PCDHGA2: variants seen among roughly 807,000 people sequenced by gnomAD.
PCDHGA2 encodes the protein protocadherin gamma-A2.
PCDHGA2 carries 40 observed loss-of-function variants against 59.2 expected under a neutral mutation model. The observed-to-expected ratio is 0.68, with a 90% CI of 0.52 to 0.88. PCDHGA2 has a LOEUF of 0.88. Ranked by LOEUF, PCDHGA2 falls within the 40% of genes least tolerant of loss-of-function variation. The pLI is 0.00. For synonymous variants in PCDHGA2, 560 were observed against 526.0 expected (o/e 1.06, Z -0.89); for missense variants, 1,226 against 1,204.0 (o/e 1.02, Z -0.27).
At chr5:141,344,732 G>C in intron 1 of PCDHGA2, 1 of 1,613,952 alleles carries the variant, frequency 6.2e-7, no homozygotes, top group Non-Finnish European at 8.5e-7. Context: ...TGATAGTCCT[G>C]GATGCAAATG....
At chr5:141,345,851 C>A in intron 1 of PCDHGA2, 1 of 1,613,502 alleles carries the variant, frequency 6.2e-7, no homozygotes, top group African/African-American at 1.3e-5. Flanking sequence ...GGCTGTCCTA[C>A]CGCCTGCTCA....
At chr5:141,344,739 A>G in intron 1 of PCDHGA2, 3 of 1,613,966 alleles carry the variant, frequency 1.9e-6, no homozygotes, top group Non-Finnish European at 2.5e-6. Context: ...CCTGGATGCA[A>G]ATGACAACCC....
At chr5:141,384,893 C>G in intron 1 of PCDHGA2, 2 of 1,613,890 alleles carry the variant, frequency 1.2e-6, no homozygotes, top group Non-Finnish European at 1.7e-6. Context: ...GTGGCTGTGG[C>G]TGACAGCATC....
Position 141,511,212 on chromosome 5 carries a change from C to T in PCDHGA2, c.*39C>T. ...CCAAGAGCCACAGGGCGGCCTCTCC[C>T]CAACCAGCCCAGCTTCTCCTTACCT... is the stretch of plus-strand genomic sequence containing the variant. On this transcript the variant is annotated 3_prime_UTR_variant, in exon 4 of 4. Coordinates refer to ENST00000394576, the MANE Select transcript of PCDHGA2 (RefSeq NM_018915.4). 6.2e-7 allele frequency: 1 copy of T among 1,608,656 alleles called. No individual in the cohort carries two copies. Among genetic ancestry groups the T allele is most frequent in the Non-Finnish European group, 8.5e-7 (1 of 1,177,502 alleles).
chr5:141,399,278 G>A (rs1373250809), intron 1 of PCDHGA2: 2 of 1,613,792 alleles, frequency 1.2e-6, no homozygotes, highest in African/African-American at 1.3e-5. Context: ...CAATTACAAG[G>A]CGAAGTCCCT....
intron 1 of PCDHGA2, chr5:141,400,141 A>G (rs763561348): frequency 1.9e-6 from 3 of 1,614,020 alleles, no homozygotes; most frequent in Non-Finnish European, 8.5e-7. Flanking sequence ...GCCGGATATC[A>G]CTGACCGCCC....
intron 1 of PCDHGA2, chr5:141,433,225 G>A: frequency 6.6e-7 from 1 of 1,517,048 alleles, no homozygotes; most frequent in Non-Finnish European, 9.0e-7. Flanking sequence ...TTTTTTAATT[G>A]CTCTGTCTCC....
chr5:141,444,545 CA>C (rs1264288836), intron 1 of PCDHGA2, among the ~76,000 whole-genome samples: 7 of 152,042 alleles, frequency 4.6e-5, no homozygotes, highest in Admixed American at 6.6e-5. Flanking sequence ...GTCTAGTGAG[CA>C]AAAGGCACTT....
At chr5:141,409,135 T>G (rs748247175) in intron 1 of PCDHGA2, 1 of 1,614,026 alleles carries the variant, frequency 6.2e-7, no homozygotes, top group Non-Finnish European at 8.5e-7. Context: ...ATTTTGAAGA[T>G]GTAGAAAGGT....
chr5:141,370,397 G>A (rs752574370), intron 1 of PCDHGA2: 2 of 1,549,034 alleles, frequency 1.3e-6, no homozygotes, highest in African/African-American at 2.8e-5. Context: ...AGAGCGGGAT[G>A]GGAAATAGCT....
intron 1 of PCDHGA2, chr5:141,384,835 G>T: frequency 1.2e-6 from 2 of 1,613,468 alleles, no homozygotes; most frequent in Middle Eastern, 1.7e-4. Flanking sequence ...CGTGGTGGCC[G>T]TCCAGGACCA....
At chr5:141,435,575 C>T (rs1054936213) in intron 1 of PCDHGA2, among the ~76,000 whole-genome samples, 2 of 152,088 alleles carry the variant, frequency 1.3e-5, no homozygotes, top group South Asian at 2.1e-4. Context: ...AGTACTGGGG[C>T]AAATTTGCAG....
chr5:141,464,328 C>T (rs2099081878), intron 1 of PCDHGA2, among the ~76,000 whole-genome samples: 1 of 150,722 alleles, frequency 6.6e-6, no homozygotes, highest in Admixed American at 6.6e-5. Context: ...CTGTTCAACC[C>T]ATCTATGACT....
chr5:141,392,822 T>C (rs1234169256), intron 1 of PCDHGA2: 1 of 1,595,210 alleles, frequency 6.3e-7, no homozygotes, highest in East Asian at 2.2e-5. Context: ...CAATGGCCGC[T>C]CCACAGAGTC....
intron 1 of PCDHGA2, chr5:141,361,038 C>G: frequency 6.2e-7 from 1 of 1,613,384 alleles, no homozygotes; most frequent in Non-Finnish European, 8.5e-7. Context: ...CAGGAGAAAT[C>G]ACGACAAAGG....
At position 141,486,691 on chromosome 5, in the gene PCDHGA2, T is replaced by C. The variant is rs778748447; in HGVS notation, c.2425-8116T>C. 8 of 1,614,024 alleles carry C rather than the reference T, an allele frequency of 5.0e-6. No individual in the cohort carries two copies. The highest frequency in any genetic ancestry group is 1.3e-5 in the African/African-American group (1 of 74,922). The stretch of plus-strand genomic sequence containing the variant: ...GGAATCGAGATGTATCAGCTTCCTC[T>C]TTCATCTCTCTGAACCCCCAGACAG... On this transcript the variant is annotated intron_variant, in intron 1 of 3. Coordinates refer to ENST00000394576, the MANE Select transcript of PCDHGA2 (RefSeq NM_018915.4). The surrounding 1 kb of genome is among the most constrained non-coding windows in gnomAD (Gnocchi z 5.0).
At chr5:141,384,149 T>G (rs1361199282) in intron 1 of PCDHGA2, 1 of 1,613,252 alleles carries the variant, frequency 6.2e-7, no homozygotes, top group Non-Finnish European at 8.5e-7. Flanking sequence ...ACACTCTCTT[T>G]GTATAACATC....
intron 1 of PCDHGA2, among the ~76,000 whole-genome samples, chr5:141,437,364 T>G (rs1026384836): frequency 6.6e-6 from 1 of 152,232 alleles, no homozygotes; most frequent in Non-Finnish European, 1.5e-5. Context: ...AAAATTGGAA[T>G]GTAATCAGTC....
chr5:141,417,965 T>C lies in PCDHGA2; in HGVS notation c.2424+76570T>C. On this transcript the variant is annotated intron_variant, in intron 1 of 3. Coordinates refer to ENST00000394576, the MANE Select transcript of PCDHGA2 (RefSeq NM_018915.4). ...CACGCTGTGTGAGCCGATCCGCTAC[T>C]CGATTCCGGAGGAGCTGGCCAAGGG... 3 of 1,613,654 alleles carry C rather than the reference T, an allele frequency of 1.9e-6. No homozygotes were observed. In the South Asian group the frequency reaches 3.3e-5, roughly 18 times the overall value.
Sources: allele counts gnomAD v4.1 joint callset (sites outside exome capture counted in the v4.1 genomes callset), GRCh38; gene constraint gnomAD v4.1.1; non-coding constraint Gnocchi (gnomAD v3.1); transcripts MANE v1.5; gene names NCBI Gene and HGNC (gene_info 2026-07-23, HGNC 2026-07-21).